Variants in IL10RB observed in about 807,000 individuals in gnomAD.
IL10RB encodes interleukin-10 receptor subunit beta.
A neutral mutation model predicts 38.7 loss-of-function variants in IL10RB; 30 were observed. The ratio of observed to expected loss-of-function variants is 0.78; its 90% CI spans 0.58 to 1.05. IL10RB has a LOEUF of 1.05. IL10RB is among the 50% of genes least tolerant of loss of function. The pLI is 0.00. For synonymous variants in IL10RB, 142 were observed against 145.9 expected (o/e 0.97, Z 0.19); for missense variants, 328 against 397.1 (o/e 0.83, Z 1.48).
At chr21:33,267,386 T>A (rs554601950) in intron 1 of IL10RB, among the ~76,000 whole-genome samples, 32 of 152,212 alleles carry the variant, frequency 2.1e-4, no homozygotes, top group African/African-American at 7.7e-4. Context: ...ATATCTCTCT[T>A]GGTACCAGTT....
intron 3 of IL10RB, among the ~76,000 whole-genome samples, 193 bp from the exon 4 acceptor site, chr21:33,279,559 C>T (rs8178489): frequency 0.028 from 4,269 of 152,206 alleles, 186 homozygotes; most frequent in African/African-American, 0.095. Context: ...TTAAGAAAGA[C>T]AAAGATTATC....
intron 3 of IL10RB, among the ~76,000 whole-genome samples, chr21:33,277,086 A>G (rs1989185180): frequency 6.6e-6 from 1 of 152,216 alleles, no homozygotes; most frequent in Non-Finnish European, 1.5e-5. Context: ...GTATGGAATT[A>G]TGACTTAAAC....
At chr21:33,278,407 A>G (rs1324232068) in intron 3 of IL10RB, among the ~76,000 whole-genome samples, 1 of 152,232 alleles carries the variant, frequency 6.6e-6, no homozygotes, top group East Asian at 1.9e-4. Context: ...TATCAAAGTT[A>G]GATTATATTT....
chr21:33,307,069 G>A (rs766161786), intron 1 of IL10RB, among the ~76,000 whole-genome samples: 4 of 152,044 alleles, frequency 2.6e-5, no homozygotes, highest in East Asian at 1.9e-4. Context: ...AGGCCCCACC[G>A]ACTACTCCCC....
At chr21:33,275,563 T>C (rs190974013) in intron 2 of IL10RB, among the ~76,000 whole-genome samples, 308 of 152,376 alleles carry the variant, frequency 2.0e-3, no homozygotes, top group African/African-American at 7.4e-3. Flanking sequence ...TGTGGCTGGT[T>C]TGATCTTCTA....
At chr21:33,297,461 T>C (rs1389400909), downstream of IL10RB, among the ~76,000 whole-genome samples, 2 of 150,472 alleles carry the variant, frequency 1.3e-5, no homozygotes. Context: ...ATAAAAAGTA[T>C]AGTTGTGGAA....
chr21:33,276,259 G>A (rs905670411), intron 2 of IL10RB, among the ~76,000 whole-genome samples: 18 of 152,176 alleles, frequency 1.2e-4, no homozygotes, highest in African/African-American at 4.1e-4. Flanking sequence ...ATGTCATTAT[G>A]CAGCACATGA....
Position 33,266,424 on chromosome 21 carries a change from T to G in IL10RB, c.-42T>G. On this transcript the variant is annotated 5_prime_UTR_variant, in exon 1 of 7. Transcript: ENST00000290200. ...AAGCTCTCCCGGGCGCGGGCGGGGGTCGTGTGCTTGGAGGAAGCCGCGGAA... is the reference window on the plus strand; with the variant it reads ...AAGCTCTCCCGGGCGCGGGCGGGGGGCGTGTGCTTGGAGGAAGCCGCGGAA... The G allele has an allele frequency of 6.5e-7, 1 of 1,534,766 alleles. No homozygotes were observed. Among genetic ancestry groups the G allele is most frequent in the Non-Finnish European group, 8.7e-7 (1 of 1,144,270 alleles).
intron 5 of IL10RB, among the ~76,000 whole-genome samples, chr21:33,284,655 C>T (rs1013927924): frequency 2.0e-5 from 3 of 152,138 alleles, no homozygotes; most frequent in South Asian, 2.1e-4. Context: ...GCCCATTTCT[C>T]ATGAATGGCT....
intron 1 of IL10RB, among the ~76,000 whole-genome samples, chr21:33,303,747 T>G (rs764801470): frequency 2.0e-5 from 3 of 152,162 alleles, no homozygotes; most frequent in Admixed American, 2.0e-4. Flanking sequence ...CTGATGTCCC[T>G]GGAAAGGACA....
At chr21:33,294,134 T>C (rs1156371594) in intron 6 of IL10RB, 1 of 457,492 alleles carries the variant, frequency 2.2e-6, no homozygotes. Context: ...CCCTGTAAGA[T>C]CTGAGAAATC....
chr21:33,273,340 A>C (rs1271493035), intron 2 of IL10RB, among the ~76,000 whole-genome samples: 1 of 152,228 alleles, frequency 6.6e-6, no homozygotes, highest in African/African-American at 2.4e-5. Context: ...TTCCCGGTGC[A>C]TCTAAAAATT....
intron 3 of IL10RB, among the ~76,000 whole-genome samples, chr21:33,278,945 T>C (rs957331736): frequency 6.6e-6 from 1 of 152,256 alleles, no homozygotes; most frequent in Non-Finnish European, 1.5e-5. Context: ...AATCATTCTA[T>C]AGTTATTATT....
intron 2 of IL10RB, among the ~76,000 whole-genome samples, chr21:33,272,254 T>G (rs1221374508): frequency 6.6e-6 from 1 of 152,154 alleles, no homozygotes; most frequent in African/African-American, 2.4e-5. Flanking sequence ...CTGAGTTCAG[T>G]TGGGCAGATT....
At chr21:33,277,228 A>C (rs561510769) in intron 3 of IL10RB, among the ~76,000 whole-genome samples, 1 of 152,026 alleles carries the variant, frequency 6.6e-6, no homozygotes, top group African/African-American at 2.4e-5. Flanking sequence ...GTTGGGTCAG[A>C]CTGGTTGGTC....
At chr21:33,303,618 G>T (rs1266568957) in intron 1 of IL10RB, among the ~76,000 whole-genome samples, 1 of 152,154 alleles carries the variant, frequency 6.6e-6, no homozygotes, top group Non-Finnish European at 1.5e-5. Context: ...GCCTCCCAAA[G>T]TGCTGGGATT....
intron 6 of IL10RB, among the ~76,000 whole-genome samples, chr21:33,289,528 G>C (rs1989443686): frequency 6.6e-6 from 1 of 152,188 alleles, no homozygotes; most frequent in South Asian, 2.1e-4. Flanking sequence ...CCTCATCCCA[G>C]AAAGCACTGA....
At chr21:33,273,900 C>T (rs1284651370) in intron 2 of IL10RB, among the ~76,000 whole-genome samples, 1 of 152,222 alleles carries the variant, frequency 6.6e-6, no homozygotes, top group African/African-American at 2.4e-5. Flanking sequence ...GGTTCCGCTT[C>T]TAATTCTAGT....
At chr21:33,291,392 A>G (rs555451349) in intron 6 of IL10RB, among the ~76,000 whole-genome samples, 5 of 152,144 alleles carry the variant, frequency 3.3e-5, no homozygotes, top group Admixed American at 6.5e-5. Context: ...CAGCCTCCCA[A>G]GTAGCTGGGA....
Sources: gnomAD v4.1 joint callset for allele counts (sites outside exome capture counted in the v4.1 genomes callset) on GRCh38, gnomAD v4.1.1 for gene constraint, MANE v1.5 for transcripts, NCBI Gene and HGNC (gene_info 2026-07-23, HGNC 2026-07-21) for gene names.